Variants in NRXN1 observed in about 807,000 individuals in gnomAD.
NRXN1 encodes neurexin 1, also known as neurexin-1.
In NRXN1, 39 loss-of-function variants were observed where a neutral mutation model predicts 150.9. That is an observed-to-expected ratio of 0.26 (90% CI 0.20 to 0.34). The LOEUF is 0.34. NRXN1 is among the 10% of genes least tolerant of loss of function. NRXN1 has a pLI of 1.00. For synonymous variants in NRXN1, 924 were observed against 757.0 expected (o/e 1.22, Z -3.62); for missense variants, 1,815 against 1,949.9 (o/e 0.93, Z 1.30).
chr2:50,456,067 G>A (rs2087525761), intron 17 of NRXN1, among the ~76,000 whole-genome samples: 1 of 152,108 alleles, frequency 6.6e-6, no homozygotes, highest in South Asian at 2.1e-4. Flanking sequence ...TATTCCATCT[G>A]CTTCTCTCCC....
chr2:50,483,098 T>C (rs1238829741), intron 15 of NRXN1, among the ~76,000 whole-genome samples: 2 of 143,618 alleles, frequency 1.4e-5, no homozygotes, highest in Admixed American at 6.9e-5. Flanking sequence ...AAAACCAAGA[T>C]GGCAATGAAA....
At chr2:50,051,632 A>G (rs1420505633) in intron 21 of NRXN1, among the ~76,000 whole-genome samples, 1 of 152,134 alleles carries the variant, frequency 6.6e-6, no homozygotes, top group African/African-American at 2.4e-5. Context: ...AAATCTTTCT[A>G]AAGTCACAAG....
intron 17 of NRXN1, among the ~76,000 whole-genome samples, chr2:50,339,618 G>C (rs1487118246): frequency 6.6e-6 from 1 of 152,182 alleles, no homozygotes; most frequent in Admixed American, 6.5e-5. Context: ...TTAAAAGGAA[G>C]TCTGTACAGG....
intron 17 of NRXN1, among the ~76,000 whole-genome samples, chr2:50,365,197 GTAAATTTCAGCA>G (rs1402026733): frequency 6.6e-6 from 1 of 151,834 alleles, no homozygotes; most frequent in African/African-American, 2.4e-5. Flanking sequence ...TGAAAACTAT[GTAAATTTCAGCA>G]AATGTTTGCT....
At chr2:50,512,734 C>A (rs1276940431) in intron 12 of NRXN1, among the ~76,000 whole-genome samples, 13 of 152,148 alleles carry the variant, frequency 8.5e-5, no homozygotes, top group Non-Finnish European at 1.8e-4. Flanking sequence ...TTGACCTTTG[C>A]ATATCATTCC....
intron 8 of NRXN1, among the ~76,000 whole-genome samples, chr2:50,593,331 T>G (rs986263289): frequency 6.6e-6 from 1 of 152,188 alleles, no homozygotes; most frequent in Non-Finnish European, 1.5e-5. Flanking sequence ...AATGAACACA[T>G]GGAGTCTGTC....
At chr2:50,338,359 C>A (rs2077324128) in intron 17 of NRXN1, among the ~76,000 whole-genome samples, 1 of 151,872 alleles carries the variant, frequency 6.6e-6, no homozygotes, top group African/African-American at 2.4e-5. Context: ...ACAAATGGTC[C>A]AATATGACAT....
At chr2:50,797,779 G>A (rs373896994) in intron 5 of NRXN1, among the ~76,000 whole-genome samples, 2 of 152,102 alleles carry the variant, frequency 1.3e-5, no homozygotes, top group Non-Finnish European at 2.9e-5. Flanking sequence ...GCATATCACA[G>A]GCACTCCATA....
intron 5 of NRXN1, among the ~76,000 whole-genome samples, chr2:50,747,832 T>C (rs1470804569): frequency 6.6e-6 from 1 of 152,128 alleles, no homozygotes; most frequent in Non-Finnish European, 1.5e-5. Context: ...ATTTTAGAGA[T>C]GAAGATACTG....
intron 5 of NRXN1, chr2:50,632,639 T>C (rs765401048): frequency 7.9e-5 from 12 of 152,178 alleles, no homozygotes; most frequent in African/African-American, 9.6e-5. Context: ...TGGATTCTTA[T>C]AGTGCTGCAA....
intron 17 of NRXN1, among the ~76,000 whole-genome samples, chr2:50,428,495 T>C (rs2104342770): frequency 1.3e-5 from 2 of 152,350 alleles, no homozygotes; most frequent in Middle Eastern, 6.8e-3. Context: ...TGGTTTTTAA[T>C]TTAAGAACTT....
At chr2:50,421,351 C>T (rs1284388494) in intron 17 of NRXN1, among the ~76,000 whole-genome samples, 2 of 151,798 alleles carry the variant, frequency 1.3e-5, no homozygotes, top group Admixed American at 1.3e-4. Context: ...CTAAATGGAG[C>T]GACATTAAAA....
intron 12 of NRXN1, among the ~76,000 whole-genome samples, chr2:50,510,072 A>G (rs2092391529): frequency 6.6e-6 from 1 of 152,104 alleles, no homozygotes; most frequent in African/African-American, 2.4e-5. Flanking sequence ...CTTTGACTTC[A>G]AGCCTTCAAA....
At chr2:50,834,020 A>G (rs558986214) in intron 5 of NRXN1, among the ~76,000 whole-genome samples, 1 of 152,158 alleles carries the variant, frequency 6.6e-6, no homozygotes. Flanking sequence ...ACTGAAATTT[A>G]ATTTATACCA....
At chr2:50,325,103 C>T (rs1207275198) in intron 17 of NRXN1, among the ~76,000 whole-genome samples, 1 of 152,124 alleles carries the variant, frequency 6.6e-6, no homozygotes, top group Non-Finnish European at 1.5e-5. Flanking sequence ...GAAGACCTAA[C>T]ATTAAATTTC....
intron 5 of NRXN1, among the ~76,000 whole-genome samples, chr2:50,818,958 G>T (rs375201442): frequency 6.6e-6 from 1 of 152,016 alleles, no homozygotes; most frequent in Non-Finnish European, 1.5e-5. Context: ...AAACCACAAG[G>T]AGGAGGGAAA....
At position 50,642,296 on chromosome 2, in the gene NRXN1, A is replaced by G. The variant is rs148160506; in HGVS notation, c.833-18681T>C. Among the ~76,000 whole-genome samples the G allele has an allele frequency of 9.2e-5, 14 of 152,224 alleles. No homozygotes were observed. In the East Asian group the frequency reaches 2.5e-3, roughly 27 times the overall value. On this transcript the variant is annotated intron_variant, in intron 5 of 22. Coordinates refer to ENST00000401669, the MANE Select transcript of NRXN1 (RefSeq NM_001330078.2). The stretch of plus-strand genomic sequence containing the variant: ...TACAAGACATATAAAAGGCTATGGA[A>G]CTTAAAAAGAAGAAAAAACAATTCT...
chr2:50,277,612 T>C (rs958941539), intron 17 of NRXN1, among the ~76,000 whole-genome samples: 2 of 152,160 alleles, frequency 1.3e-5, no homozygotes, highest in South Asian at 4.2e-4. Context: ...AGACCATCTT[T>C]GTTTTGATCA....
intron 17 of NRXN1, among the ~76,000 whole-genome samples, chr2:50,329,607 GTGTGTGTGTGTATATATATATATA>G (rs1558535905): frequency 1.0e-3 from 26 of 25,930 alleles, no homozygotes; most frequent in African/African-American, 3.3e-3. Flanking sequence ...GTGTGTGTGT[GTGTGTGTGTGTATATATATATATA>G]TATATATATA....
Sources: allele counts gnomAD v4.1 joint callset (sites outside exome capture counted in the v4.1 genomes callset), GRCh38; gene constraint gnomAD v4.1.1; transcripts MANE v1.5; gene names NCBI Gene and HGNC (gene_info 2026-07-23, HGNC 2026-07-21).